The following DNAH11 variants were observed in gnomAD, a reference collection of about 807,000 sequenced individuals.
The protein encoded by DNAH11 is axonemal beta dynein heavy chain 11.
In DNAH11, 442 loss-of-function variants were observed where a neutral mutation model predicts 526.0. The observed-to-expected ratio is 0.84, with a 90% CI of 0.78 to 0.91. The LOEUF is 0.91. Ranked by LOEUF, DNAH11 falls within the 40% of genes least tolerant of loss-of-function variation. The pLI is 0.00. For synonymous variants in DNAH11, 2,461 were observed against 1,935.9 expected (o/e 1.27, Z -7.12); for missense variants, 6,989 against 5,448.7 (o/e 1.28, Z -8.90).
intron 55 of DNAH11, among the ~76,000 whole-genome samples, chr7:21,768,292 G>A (rs2127975576): frequency 6.6e-6 from 1 of 152,368 alleles, no homozygotes; most frequent in East Asian, 1.9e-4. Flanking sequence ...AGAGAACTGT[G>A]TGAAGAGCTT....
chr7:21,816,702 G>C lies in DNAH11; in HGVS notation c.10568G>C (p.Gly3523Ala). The C allele has an allele frequency of 6.2e-7, 1 of 1,612,492 alleles. No homozygotes were observed. Among genetic ancestry groups the C allele is most frequent in the Non-Finnish European group, 8.5e-7 (1 of 1,179,138 alleles). Residue 3523 changes from glycine to alanine, a missense_variant and splice_region_variant, in exon 64 of 82, where the codon GGG becomes GCG. Gly to Ala is a moderately conservative substitution (Grantham distance 60). Coordinates refer to ENST00000409508, the MANE Select transcript of DNAH11 (RefSeq NM_001277115.2). ...AAAGTCACACATTTGGGCCAGAAAG[G>C]GTATGTGAAGTTTGAAGAGACTGGC... ...DLKVTHLGQK[G>A]FLNAIETALA...
intron 25 of DNAH11, among the ~76,000 whole-genome samples, chr7:21,624,446 A>C (rs764786430): frequency 1.3e-5 from 2 of 152,122 alleles, no homozygotes. Flanking sequence ...TATTAGTTCT[A>C]ACAGTTTTAG....
At chr7:21,675,016 T>C (rs555277927) in intron 30 of DNAH11, among the ~76,000 whole-genome samples, 53 of 152,366 alleles carry the variant, frequency 3.5e-4, no homozygotes, top group African/African-American at 1.3e-3. Flanking sequence ...GATAATGTCC[T>C]AGACCAAGCC....
At chr7:21,637,058 A>G (rs1262691807) in intron 26 of DNAH11, among the ~76,000 whole-genome samples, 4 of 152,206 alleles carry the variant, frequency 2.6e-5, no homozygotes, top group African/African-American at 9.6e-5. Flanking sequence ...TACCTGAAGT[A>G]GAAGTCACAG....
At chr7:21,900,555 A>ATAT (rs1389181711) in intron 81 of DNAH11, among the ~76,000 whole-genome samples, 3 of 151,274 alleles carry the variant, frequency 2.0e-5, no homozygotes, top group Non-Finnish European at 1.5e-5. Context: ...AGACTATGCA[A>ATAT]TATTTTCCAA....
chr7:21,776,065 A>G (rs1787659773), intron 56 of DNAH11, among the ~76,000 whole-genome samples: 2 of 152,258 alleles, frequency 1.3e-5, no homozygotes, highest in South Asian at 4.1e-4. Context: ...AGAGACTGTG[A>G]TTTCTTAATA....
intron 43 of DNAH11, among the ~76,000 whole-genome samples, chr7:21,719,982 G>A (rs6970216): frequency 0.018 from 2,705 of 152,310 alleles, 67 homozygotes; most frequent in African/African-American, 0.061. Context: ...TGCAGCAGCC[G>A]CATTCCCCTC....
intron 2 of DNAH11, among the ~76,000 whole-genome samples, chr7:21,554,638 A>C (rs1783150597): frequency 6.6e-6 from 1 of 152,144 alleles, no homozygotes; most frequent in Admixed American, 6.5e-5. Context: ...GATAGATATC[A>C]TTTCAGCCCA....
intron 42 of DNAH11, among the ~76,000 whole-genome samples, chr7:21,714,557 C>G (rs1009596439): frequency 1.3e-5 from 2 of 152,092 alleles, no homozygotes; most frequent in African/African-American, 4.8e-5. Context: ...TCATTTAATA[C>G]TCAGTTACCT....
chr7:21,633,258 C>T (rs1786701380), intron 25 of DNAH11, among the ~76,000 whole-genome samples: 2 of 152,184 alleles, frequency 1.3e-5, no homozygotes, highest in African/African-American at 4.8e-5. Context: ...GAGAATGTTT[C>T]ATTTGCACTT....
intron 37 of DNAH11, 72 bp from the exon 38 acceptor site, chr7:21,704,362 C>G: frequency 6.9e-7 from 1 of 1,445,476 alleles, no homozygotes; most frequent in Non-Finnish European, 9.4e-7. Flanking sequence ...GTAAAAATAA[C>G]AAACATCTTT....
In DNAH11 at chr7:21,711,779, A is replaced by G; in HGVS notation, c.6902A>G (p.His2301Arg). Reference protein sequence around the residue: ...TPFMRLLFEIHHLRSATPATV... With the variant: ...TPFMRLLFEIRHLRSATPATV... ...TTCATGAGGCTTCTGTTTGAGATAC[A>G]TCACTTAAGGAGCGCAACCCCGGCC... The change falls in exon 42 of 82, where the codon CAT (histidine) becomes CGT (arginine). Residue 2301 changes from histidine to arginine, a missense_variant. His to Arg is a conservative substitution (Grantham distance 29). Coordinates refer to ENST00000409508, the MANE Select transcript of DNAH11 (RefSeq NM_001277115.2). 1.9e-6 allele frequency: 3 copies of G among 1,613,880 alleles called. No individual in the cohort carries two copies. The highest frequency in any genetic ancestry group is 2.5e-6 in the Non-Finnish European group (3 of 1,179,824).
intron 81 of DNAH11, 55 bp from the exon 82 acceptor site, chr7:21,900,951 CA>C: frequency 6.6e-7 from 1 of 1,504,112 alleles, no homozygotes; most frequent in Non-Finnish European, 8.9e-7. Context: ...CTTACTTGAT[CA>C]TTATCATTAG....
intron 37 of DNAH11, 148 bp downstream of exon 37, chr7:21,702,950 G>A (rs573165698): frequency 3.2e-4 from 218 of 689,184 alleles, no homozygotes; most frequent in African/African-American, 2.5e-3. Context: ...GAGGATTGGC[G>A]TTCCTTATAA....
chr7:21,640,741 A>T (rs1787091539), intron 28 of DNAH11, among the ~76,000 whole-genome samples: 1 of 152,066 alleles, frequency 6.6e-6, no homozygotes, highest in Non-Finnish European at 1.5e-5. Flanking sequence ...TAAAAAAGAA[A>T]CCAAAAGCAA....
At position 21,617,772 on chromosome 7, in the gene DNAH11, A is replaced by T. The variant is rs1785849179; in HGVS notation, c.4249A>T (p.Ile1417Phe). The T allele has an allele frequency of 2.5e-6, 4 of 1,597,106 alleles. No homozygotes were observed. Among genetic ancestry groups the T allele is most frequent in the Admixed American group, 3.6e-5 (2 of 56,050 alleles). Residue 1417 changes from isoleucine (I) to phenylalanine (F), a missense_variant, in exon 23 of 82, where the codon ATT becomes TTT. By Grantham distance (21) the Ile-to-Phe change is conservative (BLOSUM62 0). Transcript: ENST00000409508. ...GCATTGGCACCAGCTGATGAAAGCT[A>T]TTGGGGTCAGTATCCTTGGTCTCAC... is the stretch of plus-strand genomic sequence containing the variant. ...DRHWHQLMKA[I>F]GVKFLINEAT... is the part of the protein sequence containing the mutation.
intron 6 of DNAH11, 22 bp downstream of exon 6, chr7:21,564,419 G>C: frequency 6.4e-7 from 1 of 1,562,386 alleles, no homozygotes; most frequent in Non-Finnish European, 8.8e-7. Context: ...CAAAAAACAG[G>C]AACAATAAGA....
At chr7:21,729,470 T>C (rs182820341) in intron 45 of DNAH11, among the ~76,000 whole-genome samples, 30 of 152,346 alleles carry the variant, frequency 2.0e-4, no homozygotes, top group Admixed American at 1.5e-3. Context: ...CTTTAAGTTC[T>C]AGTTCCTTTC....
In DNAH11 at chr7:21,571,858, G is replaced by A. The variant is rs544425376; in HGVS notation, c.1478G>A (p.Gly493Asp). ...GAAAAGCTGGAAAGACTGGAATTTG[G>A]TGGTACCAAAGGAGCAATTTTAAAT... ...EFEKLERLEF[G>D]GTKGAILNGQ... The change falls in exon 8 of 82, where the codon GGT becomes GAT. Residue 493 changes from glycine to aspartate, a missense_variant. By Grantham distance (94) the Gly-to-Asp change is moderately conservative (BLOSUM62 -1). Transcript: ENST00000409508. 6.8e-6 allele frequency: 11 copies of A among 1,613,022 alleles called. No individual in the cohort carries two copies. The highest frequency in any genetic ancestry group is 2.7e-5 in the African/African-American group (2 of 74,982).
Sources: gnomAD v4.1 joint callset for allele counts (sites outside exome capture counted in the v4.1 genomes callset) on GRCh38, gnomAD v4.1.1 for gene constraint, MANE v1.5 for transcripts, NCBI Gene and HGNC (gene_info 2026-07-23, HGNC 2026-07-21) for gene names.